Variants in STARD3NL observed in about 807,000 individuals in gnomAD.
The protein encoded by STARD3NL is STARD3 N-terminal-like protein.
A neutral mutation model predicts 30.9 loss-of-function variants in STARD3NL; 17 were observed. That is an observed-to-expected ratio of 0.55 (90% CI 0.38 to 0.82). The LOEUF is 0.82. Ranked by LOEUF, STARD3NL falls within the 40% of genes least tolerant of loss-of-function variation. The pLI, the probability that STARD3NL is intolerant of heterozygous loss-of-function variation, is 0.00. For synonymous variants in STARD3NL, 112 were observed against 100.5 expected (o/e 1.11, Z -0.69); for missense variants, 234 against 277.6 (o/e 0.84, Z 1.12).
intron 7 of STARD3NL, among the ~76,000 whole-genome samples, chr7:38,223,813 G>A (rs990724694): frequency 1.3e-5 from 2 of 152,046 alleles, no homozygotes; most frequent in African/African-American, 4.8e-5. Flanking sequence ...CTTGATTGAG[G>A]TGTAATTTGC....
chr7:38,215,314 G>A, intron 4 of STARD3NL: 1 of 526,820 alleles, frequency 1.9e-6, no homozygotes, highest in Non-Finnish European at 3.3e-6. Context: ...GTCTCTTGGT[G>A]CTGAGCCAAA....
chr7:38,222,227 T>C (rs1480278929), intron 7 of STARD3NL, among the ~76,000 whole-genome samples: 1 of 150,666 alleles, frequency 6.6e-6, no homozygotes, highest in Admixed American at 6.6e-5. Flanking sequence ...CCATGAATGA[T>C]TGAAGATTAC....
chr7:38,214,271 G>A lies in STARD3NL; in HGVS notation c.226-86G>A, dbSNP rs562805826. On this transcript the variant is annotated intron_variant, in intron 2 of 8. Coordinates refer to ENST00000009041, the MANE Select transcript of STARD3NL (RefSeq NM_032016.4). ...GCATTTCTGGGTTCTGAGAAGATAG[G>A]CAGGAAAGTTGGATAGGAAATCTTA... is the stretch of plus-strand genomic sequence containing the variant. 1.8e-5 allele frequency: 15 copies of A among 824,570 alleles called. No homozygotes were observed. The African/African-American group carries it at 1.9e-4, about 11-fold the overall frequency. The allele number at this position is 824,570 out of a possible 1,614,324, so 51.1% of individuals were successfully genotyped here.
intron 1 of STARD3NL, among the ~76,000 whole-genome samples, chr7:38,185,322 C>A (rs760121127): frequency 7.2e-5 from 11 of 152,146 alleles, no homozygotes; most frequent in Non-Finnish European, 1.3e-4. Flanking sequence ...GGACTACAAA[C>A]CTTTATCTGT....
chr7:38,182,280 G>A (rs1005409608), intron 1 of STARD3NL, among the ~76,000 whole-genome samples: 8 of 152,008 alleles, frequency 5.3e-5, no homozygotes, highest in African/African-American at 1.9e-4. Flanking sequence ...TTTAGTTAAG[G>A]GTCTGCCTTC....
intron 2 of STARD3NL, 49 bp downstream of exon 2, chr7:38,207,778 A>G (rs772692422): frequency 1.3e-6 from 2 of 1,550,264 alleles, no homozygotes; most frequent in East Asian, 2.3e-5. Context: ...TTCCAGAGAC[A>G]ACAGGGTTTT....
rs535729004 is a variant in STARD3NL, at chr7:38,224,540, G to A, written c.650-4259G>A. Among the ~76,000 whole-genome samples, 15 of 152,204 alleles carry A rather than the reference G, an allele frequency of 9.9e-5. No individual in the cohort carries two copies. In the South Asian group the frequency reaches 2.7e-3, roughly 27 times the overall value. On this transcript the variant is annotated intron_variant, in intron 7 of 8. Coordinates refer to ENST00000009041, the MANE Select transcript of STARD3NL (RefSeq NM_032016.4). ...GTCCATAAGTTTTTAATTGTGTGCC[G>A]TTCTGAGTAGCATGATGAAATCCCA...
chr7:38,186,570 G>T (rs1784467331), intron 1 of STARD3NL, among the ~76,000 whole-genome samples: 1 of 152,166 alleles, frequency 6.6e-6, no homozygotes, highest in African/African-American at 2.4e-5. Context: ...CTGCATATAT[G>T]ATGGTGGTCC....
At chr7:38,186,074 A>C (rs1022002005) in intron 1 of STARD3NL, among the ~76,000 whole-genome samples, 5 of 152,148 alleles carry the variant, frequency 3.3e-5, no homozygotes, top group Admixed American at 3.3e-4. Context: ...TAATTGAGGG[A>C]CCTTCACCTG....
At chr7:38,217,835 G>A (rs1326845750) in intron 6 of STARD3NL, among the ~76,000 whole-genome samples, 3 of 152,166 alleles carry the variant, frequency 2.0e-5, no homozygotes, top group Non-Finnish European at 4.4e-5. Context: ...GCCTAGGGCT[G>A]GGGACCATTG....
intron 7 of STARD3NL, among the ~76,000 whole-genome samples, chr7:38,222,221 G>A (rs1786511508): frequency 1.3e-5 from 2 of 150,068 alleles, no homozygotes; most frequent in Non-Finnish European, 3.0e-5. Context: ...AAAGAGCCAT[G>A]AATGATTGAA....
chr7:38,214,009 G>C (rs1472681262), intron 2 of STARD3NL, among the ~76,000 whole-genome samples: 2 of 152,186 alleles, frequency 1.3e-5, no homozygotes, highest in African/African-American at 4.8e-5. Context: ...GGTAGTCCTG[G>C]ATAAAGGTGA....
chr7:38,192,165 C>CT (rs1784713761), intron 1 of STARD3NL, among the ~76,000 whole-genome samples: 2 of 152,168 alleles, frequency 1.3e-5, no homozygotes, highest in South Asian at 4.1e-4. Context: ...CCTTGCCTTT[C>CT]TTTTTTTGCT....
intron 1 of STARD3NL, among the ~76,000 whole-genome samples, chr7:38,182,150 G>A (rs1289254059): frequency 3.3e-5 from 5 of 152,028 alleles, no homozygotes; most frequent in Middle Eastern, 3.2e-3. Context: ...TGTTATATAC[G>A]TGCACAGTTT....
rs151275773 is a variant in STARD3NL at position 38,217,256 on chromosome 7, G to A, written c.504G>A (p.Thr168=). 393 of 1,613,992 alleles carry A rather than the reference G, an allele frequency of 2.4e-4. 1 individual carries two copies. In the African/African-American group the frequency reaches 3.1e-3, roughly 13 times the overall value. ...IISFILAWIE[T]WFLDFKVLPQ... ...CATTCATCCTTGCCTGGATTGAGAC[G>A]TGGTTCCTGGATTTCAAAGTGTTAC... is the stretch of plus-strand genomic sequence containing the variant. The change falls in exon 6 of 9, where the codon ACG becomes ACA. Residue 168 remains threonine (T), a synonymous_variant. Coordinates refer to ENST00000009041, the MANE Select transcript of STARD3NL (RefSeq NM_032016.4).
intron 1 of STARD3NL, among the ~76,000 whole-genome samples, chr7:38,194,353 A>G (rs913747261): frequency 2.0e-5 from 3 of 152,114 alleles, no homozygotes; most frequent in African/African-American, 7.2e-5. Flanking sequence ...AGTTTTTGTT[A>G]TAAAGAGTCA....
intron 2 of STARD3NL, 134 bp from the exon 3 acceptor site, chr7:38,214,221 TGA>T: frequency 1.7e-6 from 1 of 571,798 alleles, no homozygotes; most frequent in Non-Finnish European, 3.1e-6. Context: ...ATTAAAATTA[TGA>T]GAGTTCTTTT....
chr7:38,186,882 AG>A (rs978334069), intron 1 of STARD3NL, among the ~76,000 whole-genome samples: 1 of 152,186 alleles, frequency 6.6e-6, no homozygotes, highest in Non-Finnish European at 1.5e-5. Context: ...AAGCTGAGAA[AG>A]GGGGAAAAAA....
intron 1 of STARD3NL, among the ~76,000 whole-genome samples, chr7:38,202,872 C>T (rs1785254815): frequency 4.0e-5 from 6 of 150,604 alleles, no homozygotes; most frequent in South Asian, 2.1e-4. Context: ...TGGTTTCCAG[C>T]TTCATCCATG....
Sources: gnomAD v4.1 joint callset for allele counts (sites outside exome capture counted in the v4.1 genomes callset) on GRCh38, gnomAD v4.1.1 for gene constraint, MANE v1.5 for transcripts, NCBI Gene and HGNC (gene_info 2026-07-23, HGNC 2026-07-21) for gene names.